Variants in GRIK3 observed in about 807,000 individuals in gnomAD.
GRIK3 encodes glutamate ionotropic receptor kainate type subunit 3.
Under a neutral mutation model 102.5 loss-of-function variants are expected in GRIK3, and 29 were observed. The observed-to-expected ratio is 0.28, with a 90% confidence interval of 0.21 to 0.39. GRIK3 has a LOEUF of 0.39. Ranked by LOEUF, GRIK3 falls within the 10% of genes least tolerant of loss-of-function variation. The probability of loss-of-function intolerance (pLI) is 1.00; values close to 1 mark genes in which losing one functional copy is unlikely to be tolerated. For missense variants in GRIK3, 908 were observed against 1,252.4 expected (o/e 0.73, Z 4.15); for synonymous variants, 511 against 504.9 (o/e 1.01, Z -0.16).
At chr1:37,031,440 C>G (rs943787834) in intron 1 of GRIK3, among the ~76,000 whole-genome samples, 1 of 152,242 alleles carries the variant, frequency 6.6e-6, no homozygotes, top group African/African-American at 2.4e-5. Flanking sequence ...GCTGAGCTAT[C>G]CATCTCCTTG....
intron 1 of GRIK3, among the ~76,000 whole-genome samples, chr1:36,915,690 G>C (rs911748064): frequency 1.3e-5 from 2 of 152,106 alleles, no homozygotes; most frequent in Non-Finnish European, 2.9e-5. Context: ...TTTTAATAAA[G>C]GGGAGTTTCC....
rs1328733325 is a variant in GRIK3 at position 36,850,469 on chromosome 1, A to G, written c.1213-45T>C. The G allele has an allele frequency of 8.8e-7, 1 of 1,141,860 alleles. No homozygotes were observed. The highest frequency in any genetic ancestry group is 1.5e-5 in the African/African-American group (1 of 66,194). 70.7% of individuals were successfully genotyped at this position (1,141,860 alleles called of 1,614,324 possible). On this transcript the variant is annotated intron_variant, in intron 8 of 15. Transcript: ENST00000373091. The surrounding 1 kb of genome is among the most constrained non-coding windows in gnomAD (Gnocchi z 4.0). ...AAACAGGGTGCCGAGTCCTTGGTCT[A>G]CCCATCTTCCTCCATATCGACAAGA...
intron 1 of GRIK3, among the ~76,000 whole-genome samples, chr1:36,954,608 TGTCTGTGTTCCAAAGGACAGG>T (rs1165881180): frequency 6.6e-6 from 1 of 152,158 alleles, no homozygotes; most frequent in Non-Finnish European, 1.5e-5. Context: ...AGGTAGCACA[TGTCTGTGTTCCAAAGGACAGG>T]TCCCTGAGGT....
rs1008234552 is a variant in GRIK3, at chr1:36,872,853, C to T, written c.551-484G>A. On this transcript the variant is annotated intron_variant, in intron 3 of 15. Transcript: ENST00000373091. This position sits in a 1 kb window ranked among gnomAD's most constrained non-coding sequence, Gnocchi z 5.9. ...ACATGATTTCCCTCAACATCTCCAGCGAGCTGCTTCCAGGATATGGGCACA... is the reference window on the plus strand; with the variant it reads ...ACATGATTTCCCTCAACATCTCCAGTGAGCTGCTTCCAGGATATGGGCACA... Among the ~76,000 whole-genome samples, 10 of 152,176 alleles carry T rather than the reference C, an allele frequency of 6.6e-5. No homozygotes were observed. Among genetic ancestry groups the T allele is most frequent in the Admixed American group, 2.0e-4 (3 of 15,280 alleles).
At chr1:36,866,988 A>C (rs1458097724) in intron 5 of GRIK3, among the ~76,000 whole-genome samples, 1 of 152,184 alleles carries the variant, frequency 6.6e-6, no homozygotes, top group African/African-American at 2.4e-5. Flanking sequence ...ACATGAAGGA[A>C]GCCACCAGCT....
chr1:37,010,270 G>C (rs902222173), intron 1 of GRIK3, among the ~76,000 whole-genome samples: 14 of 152,174 alleles, frequency 9.2e-5, no homozygotes, highest in African/African-American at 3.4e-4. Context: ...GTTGCCTGAG[G>C]CTCAGAATGA....
intron 1 of GRIK3, among the ~76,000 whole-genome samples, chr1:36,977,969 G>A (rs1642212100): frequency 6.6e-6 from 1 of 152,248 alleles, no homozygotes. Context: ...GCTGCTCTCT[G>A]CACATCACTC....
In GRIK3 at chr1:36,840,193, A is replaced by G. The variant is rs116540944; in HGVS notation, c.1530+1543T>C. On this transcript the variant is annotated intron_variant, in intron 10 of 15. Transcript: ENST00000373091. ...AAAATGGGTGTTAATAACAGTACCT[A>G]CCTCACTGGGCTTTTATAAGGATAA... is the stretch of plus-strand genomic sequence containing the variant. Among the ~76,000 whole-genome samples, 1,051 of 151,176 alleles carry G rather than the reference A, an allele frequency of 7.0e-3. 17 individuals carry two copies. The highest frequency in any genetic ancestry group is 0.024 in the African/African-American group (980 of 40,576).
intron 5 of GRIK3, among the ~76,000 whole-genome samples, chr1:36,865,006 A>G (rs1336672038): frequency 6.6e-6 from 1 of 152,250 alleles, no homozygotes; most frequent in East Asian, 1.9e-4. Flanking sequence ...AACATTCAGC[A>G]TAACATAATA....
At chr1:37,029,226 A>G (rs919523942) in intron 1 of GRIK3, among the ~76,000 whole-genome samples, 1 of 152,206 alleles carries the variant, frequency 6.6e-6, no homozygotes, top group African/African-American at 2.4e-5. Flanking sequence ...CCCTTAGTGC[A>G]TCTGTCTTCC....
intron 8 of GRIK3, among the ~76,000 whole-genome samples, chr1:36,851,795 G>C (rs954358894): frequency 6.6e-6 from 1 of 152,236 alleles, no homozygotes; most frequent in Non-Finnish European, 1.5e-5. Flanking sequence ...ATTTGAACCA[G>C]CTGCCTGGAG....
At chr1:36,964,042 C>T (rs7528302) in intron 1 of GRIK3, among the ~76,000 whole-genome samples, 10 of 152,172 alleles carry the variant, frequency 6.6e-5, no homozygotes, top group African/African-American at 2.4e-4. Context: ...CCACCGTGGT[C>T]ATGAAGACCC....
In GRIK3 at chr1:36,915,029, G is replaced by A. The variant is rs532187323; in HGVS notation, c.116-23933C>T. Among the ~76,000 whole-genome samples the A allele has an allele frequency of 7.2e-5, 11 of 152,282 alleles. No homozygotes were observed. In the East Asian group the frequency reaches 1.2e-3, roughly 16 times the overall value. On this transcript the variant is annotated intron_variant, in intron 1 of 15. Transcript: ENST00000373091. ...AGGCTGCTTGGATCTTCATAAGTTCGTGCAAAGGAATTCTGAGCGACCTTG... is the reference window on the plus strand; with the variant it reads ...AGGCTGCTTGGATCTTCATAAGTTCATGCAAAGGAATTCTGAGCGACCTTG...
intron 1 of GRIK3, among the ~76,000 whole-genome samples, chr1:36,962,759 T>TA (rs1025295907): frequency 1.4e-5 from 2 of 146,076 alleles, no homozygotes; most frequent in East Asian, 2.0e-4. Context: ...TACAAACGGA[T>TA]AAAAAATGAA....
chr1:36,802,557 C>G (rs1642453787), intron 15 of GRIK3, among the ~76,000 whole-genome samples: 1 of 152,100 alleles, frequency 6.6e-6, no homozygotes, highest in Admixed American at 6.5e-5. Context: ...GGAAGTCCAG[C>G]ACATGTTTCT....
At chr1:36,949,574 CTTTTTTTTTTTTTTTT>C (rs60157852) in intron 1 of GRIK3, among the ~76,000 whole-genome samples, 71 of 99,690 alleles carry the variant, frequency 7.1e-4, no homozygotes, top group African/African-American at 2.6e-3. Flanking sequence ...CTCTCTCTTT[CTTTTTTTTTTTTTTTT>C]TTTTTTTGAG....
At chr1:36,925,229 T>G (rs1330320873) in intron 1 of GRIK3, among the ~76,000 whole-genome samples, 1 of 152,124 alleles carries the variant, frequency 6.6e-6, no homozygotes, top group Non-Finnish European at 1.5e-5. Flanking sequence ...AACTCACACA[T>G]GTGAATATTC....
intron 1 of GRIK3, among the ~76,000 whole-genome samples, chr1:36,956,700 T>G (rs1261010079): frequency 6.6e-6 from 1 of 152,170 alleles, no homozygotes. Context: ...AGGAAACATT[T>G]CAGGTGAAAT....
At chr1:36,922,520 A>G (rs1054500174) in intron 1 of GRIK3, among the ~76,000 whole-genome samples, 2 of 151,992 alleles carry the variant, frequency 1.3e-5, no homozygotes, top group Admixed American at 6.5e-5. Context: ...TCCCCTCAGG[A>G]CTCGTGGTTA....
Sources: gnomAD v4.1 joint callset for allele counts (sites outside exome capture counted in the v4.1 genomes callset) on GRCh38, gnomAD v4.1.1 for gene constraint, Gnocchi (gnomAD v3.1) non-coding constraint, MANE v1.5 for transcripts, NCBI Gene and HGNC (gene_info 2026-07-23, HGNC 2026-07-21) for gene names.